Variants in MYO3B observed in about 807,000 individuals in gnomAD.
The protein encoded by MYO3B is myosin IIIB.
MYO3B carries 156 observed loss-of-function variants against 174.6 expected under a neutral mutation model. The ratio of observed to expected loss-of-function variants is 0.89; its 90% CI spans 0.78 to 1.02. The LOEUF is 1.02. Ranked by LOEUF, MYO3B falls within the 50% of genes least tolerant of loss-of-function variation. MYO3B has a pLI of 0.00. For missense variants in MYO3B, 1,632 were observed against 1,639.4 expected (o/e 1.00, Z 0.08); for synonymous variants, 563 against 569.1 (o/e 0.99, Z 0.15).
chr2:170,621,411 T>C (rs1695903620), intron 32 of MYO3B, among the ~76,000 whole-genome samples: 1 of 152,192 alleles, frequency 6.6e-6, no homozygotes, highest in Non-Finnish European at 1.5e-5. Flanking sequence ...TACAAGATGC[T>C]CTTCCTTCCC....
At chr2:170,378,179 A>G (rs1443121400) in intron 9 of MYO3B, among the ~76,000 whole-genome samples, 3 of 152,214 alleles carry the variant, frequency 2.0e-5, no homozygotes, top group Non-Finnish European at 2.9e-5. Flanking sequence ...GTCTAGGAAA[A>G]TGTTTTTAAA....
intron 32 of MYO3B, among the ~76,000 whole-genome samples, chr2:170,612,218 A>G (rs185612169): frequency 6.6e-6 from 1 of 152,332 alleles, no homozygotes; most frequent in East Asian, 1.9e-4. Context: ...TTCACAGGAA[A>G]GAGCATGACA....
In MYO3B at chr2:170,652,931, G is replaced by C; in HGVS notation, c.3888-52G>C. On this transcript the variant is annotated intron_variant, in intron 34 of 34. Transcript: ENST00000408978. ...GACTTTAGCTGCCCCAGTGATGATT[G>C]TAACATTTGTTTTATTTTTTGTTGA... is the stretch of plus-strand genomic sequence containing the variant. The C allele has an allele frequency of 6.8e-6, 11 of 1,607,052 alleles. No homozygotes were observed. In the South Asian group the frequency reaches 1.2e-4, roughly 18 times the overall value.
chr2:170,190,394 A>G (rs2092525519), intron 1 of MYO3B, among the ~76,000 whole-genome samples: 1 of 152,172 alleles, frequency 6.6e-6, no homozygotes, highest in African/African-American at 2.4e-5. Context: ...CTCTGCAGTC[A>G]GCAGGTGATG....
intron 6 of MYO3B, among the ~76,000 whole-genome samples, chr2:170,220,410 C>T (rs1261563787): frequency 6.6e-6 from 1 of 151,944 alleles, no homozygotes; most frequent in Non-Finnish European, 1.5e-5. Flanking sequence ...GCAGGCGAAT[C>T]ACAAGGTCAG....
chr2:170,340,533 T>C (rs2093970843), intron 8 of MYO3B: 1 of 152,208 alleles, frequency 6.6e-6, no homozygotes, highest in African/African-American at 2.4e-5. Flanking sequence ...TGGAACAAAT[T>C]TATTTAATGT....
At chr2:170,302,051 GAGCAGGCATA>G (rs1406909931) in intron 7 of MYO3B, among the ~76,000 whole-genome samples, 2 of 151,906 alleles carry the variant, frequency 1.3e-5, no homozygotes. Flanking sequence ...TGAAATGTGG[GAGCAGGCATA>G]AGCACGTCTT....
At chr2:170,443,206 A>G (rs2094815217) in intron 22 of MYO3B, among the ~76,000 whole-genome samples, 1 of 152,142 alleles carries the variant, frequency 6.6e-6, no homozygotes, top group Non-Finnish European at 1.5e-5. Flanking sequence ...GTGAGATGGT[A>G]TCTCATTGTG....
intron 9 of MYO3B, among the ~76,000 whole-genome samples, chr2:170,381,082 C>T (rs2094331705): frequency 6.6e-6 from 1 of 152,152 alleles, no homozygotes; most frequent in Non-Finnish European, 1.5e-5. Context: ...GACTATGCCA[C>T]TGCATTTCAG....
At chr2:170,501,728 T>A in intron 27 of MYO3B, 57 bp from the exon 28 acceptor site, 1 of 1,220,380 alleles carries the variant, frequency 8.2e-7, no homozygotes, top group East Asian at 2.3e-5. Context: ...CTTATATCAA[T>A]TCTCTGGCAC....
At chr2:170,281,605 G>A (rs1404763226) in intron 7 of MYO3B, among the ~76,000 whole-genome samples, 1 of 152,154 alleles carries the variant, frequency 6.6e-6, no homozygotes, top group Non-Finnish European at 1.5e-5. Context: ...AGTTAAGGGA[G>A]AAATTAATAG....
intron 32 of MYO3B, among the ~76,000 whole-genome samples, chr2:170,646,623 T>A (rs1302545284): frequency 6.6e-6 from 1 of 152,162 alleles, no homozygotes; most frequent in Non-Finnish European, 1.5e-5. Context: ...CTCGAACTCC[T>A]GAGCTCAAGC....
chr2:170,306,248 C>G (rs2093700148), intron 7 of MYO3B, among the ~76,000 whole-genome samples: 1 of 152,158 alleles, frequency 6.6e-6, no homozygotes. Context: ...ATCTAAATTT[C>G]CAAACTGGCA....
chr2:170,632,791 A>T (rs574209133), intron 32 of MYO3B, among the ~76,000 whole-genome samples: 1 of 152,294 alleles, frequency 6.6e-6, no homozygotes, highest in South Asian at 2.1e-4. Flanking sequence ...ATAAAAAATG[A>T]TAAACGGCAT....
chr2:170,195,830 A>G (rs2092593873), intron 1 of MYO3B, among the ~76,000 whole-genome samples: 1 of 152,174 alleles, frequency 6.6e-6, no homozygotes, highest in African/African-American at 2.4e-5. Context: ...ACACCCCTGC[A>G]GCATGTCCTA....
chr2:170,595,502 G>A (rs1484754296), intron 32 of MYO3B, among the ~76,000 whole-genome samples: 1 of 152,126 alleles, frequency 6.6e-6, no homozygotes, highest in Non-Finnish European at 1.5e-5. Context: ...GCAGCGGCAT[G>A]AACATGGCTC....
chr2:170,308,594 G>A (rs1170893519), intron 7 of MYO3B, among the ~76,000 whole-genome samples: 1 of 152,034 alleles, frequency 6.6e-6, no homozygotes. Flanking sequence ...AGGTCTCTGT[G>A]CCTTTAAGTC....
chr2:170,491,591 A>C lies in MYO3B; in HGVS notation c.3015-7001A>C, dbSNP rs962100740. 2.6e-5 allele frequency among the ~76,000 whole-genome samples: 4 copies of C among 152,256 alleles called. No individual in the cohort carries two copies. In the South Asian group the frequency reaches 8.3e-4, roughly 32 times the overall value. Reference sequence around the variant, plus strand: ...TAGGTGCCCGCCACCATGCCCGGCTAATTTTTTGTATTTTTAGTAGAGACG... The same window carrying C: ...TAGGTGCCCGCCACCATGCCCGGCTCATTTTTTGTATTTTTAGTAGAGACG... On this transcript the variant is annotated intron_variant, in intron 25 of 34. Coordinates refer to ENST00000408978, the MANE Select transcript of MYO3B (RefSeq NM_138995.5).
At chr2:170,418,109 C>T (rs11884305) in intron 22 of MYO3B, among the ~76,000 whole-genome samples, 4 of 152,126 alleles carry the variant, frequency 2.6e-5, no homozygotes, top group African/African-American at 7.2e-5. Context: ...AGTGAGGTCA[C>T]GTCCTAGTTT....
Sources: gnomAD v4.1 joint callset for allele counts (sites outside exome capture counted in the v4.1 genomes callset) on GRCh38, gnomAD v4.1.1 for gene constraint, MANE v1.5 for transcripts, NCBI Gene and HGNC (gene_info 2026-07-23, HGNC 2026-07-21) for gene names.